MYO3A: variants seen among roughly 807,000 people sequenced by gnomAD.
MYO3A encodes myosin-IIIa.
Under a neutral mutation model 192.7 loss-of-function variants are expected in MYO3A, and 180 were observed. The ratio of observed to expected loss-of-function variants is 0.93; its 90% confidence interval spans 0.83 to 1.06. The LOEUF (loss-of-function observed/expected upper bound fraction) is 1.06, where lower values mean the gene tolerates loss of function less well. Among genes scored for constraint, MYO3A ranks in the 50% least tolerant of loss-of-function variants. The pLI, the probability that MYO3A is intolerant of heterozygous loss-of-function variation, is 0.00. For synonymous variants in MYO3A, 628 were observed against 645.3 expected (o/e 0.97, Z 0.41); for missense variants, 1,896 against 1,905.0 (o/e 1.00, Z 0.09).
chr10:26,074,663 G>A (rs948467084), intron 14 of MYO3A, among the ~76,000 whole-genome samples: 2 of 148,970 alleles, frequency 1.3e-5, no homozygotes, highest in African/African-American at 4.9e-5. Flanking sequence ...TATATCGTTT[G>A]CAAATACTTT....
At chr10:26,120,837 C>A (rs759504500) in intron 18 of MYO3A, 35 bp downstream of exon 18, 195 of 1,610,960 alleles carry the variant, frequency 1.2e-4, no homozygotes, top group Non-Finnish European at 1.5e-4. Context: ...AAACTGAAAT[C>A]TTTCAAATCT....
At chr10:26,094,159 G>A (rs562408259) in intron 15 of MYO3A, among the ~76,000 whole-genome samples, 11 of 152,204 alleles carry the variant, frequency 7.2e-5, no homozygotes, top group South Asian at 2.1e-4. Flanking sequence ...AATTATTAGC[G>A]TGTCTGTCAC....
intron 25 of MYO3A, among the ~76,000 whole-genome samples, chr10:26,156,241 A>C (rs1208753432): frequency 6.6e-6 from 1 of 152,222 alleles, no homozygotes; most frequent in East Asian, 1.9e-4. Flanking sequence ...AGCCATGCAA[A>C]TTCAGAGCTT....
At chr10:26,122,791 A>C (rs564637419) in intron 18 of MYO3A, among the ~76,000 whole-genome samples, 5 of 152,114 alleles carry the variant, frequency 3.3e-5, no homozygotes, top group Non-Finnish European at 5.9e-5. Flanking sequence ...CTGGATAAAG[A>C]TAATCAAGAC....
chr10:26,208,685 C>G lies in MYO3A; in HGVS notation c.4731-3158C>G, dbSNP rs76182704. 1.9e-4 allele frequency among the ~76,000 whole-genome samples: 29 copies of G among 152,286 alleles called. No homozygotes were observed. In the East Asian group the frequency reaches 5.6e-3, roughly 29 times the overall value. On this transcript the variant is annotated intron_variant, in intron 34 of 34. Transcript: ENST00000642920. ...CATCATGATGCTACTTGACCTTCCC[C>G]GTCAAGTATCCACTGAGCTCAGGAT...
intron 34 of MYO3A, among the ~76,000 whole-genome samples, chr10:26,206,307 C>T (rs185748107): frequency 3.3e-5 from 5 of 151,996 alleles, no homozygotes; most frequent in South Asian, 2.1e-4. Flanking sequence ...GTGATCCATC[C>T]GCCTCGGCCT....
intron 17 of MYO3A, among the ~76,000 whole-genome samples, chr10:26,098,493 A>G (rs953224933): frequency 1.3e-5 from 2 of 152,192 alleles, no homozygotes; most frequent in Admixed American, 6.5e-5. Flanking sequence ...GCCCATGCCT[A>G]TGTCCTGAAT....
rs901398124 is a variant in MYO3A at position 26,120,188 on chromosome 10, T to G, written c.1777-488T>G. Among the ~76,000 whole-genome samples the G allele has an allele frequency of 6.6e-5, 10 of 152,098 alleles. No individual in the cohort carries two copies. The South Asian group carries it at 1.0e-3, about 16-fold the overall frequency. On this transcript the variant is annotated intron_variant, in intron 17 of 34. Transcript: ENST00000642920. Reference sequence around the variant, plus strand: ...AAAAAGAAAAAAAAAAATCTTACGCTTACATTTAAACGACACATATCCTTT... The same window carrying G: ...AAAAAGAAAAAAAAAAATCTTACGCGTACATTTAAACGACACATATCCTTT...
chr10:26,013,672 T>G (rs1002005780), intron 6 of MYO3A, among the ~76,000 whole-genome samples: 1 of 152,024 alleles, frequency 6.6e-6, no homozygotes, highest in Non-Finnish European at 1.5e-5. Flanking sequence ...CTGGTGAAAA[T>G]GTAAATTAGT....
chr10:26,088,130 A>G, intron 14 of MYO3A, 73 bp from the exon 15 acceptor site: 1 of 1,227,992 alleles, frequency 8.1e-7, no homozygotes, highest in Non-Finnish European at 1.1e-6. Flanking sequence ...TTGCTTACCA[A>G]AGAAGAGACA....
intron 10 of MYO3A, among the ~76,000 whole-genome samples, chr10:26,050,465 G>A (rs1843923222): frequency 6.6e-6 from 1 of 152,200 alleles, no homozygotes; most frequent in Non-Finnish European, 1.5e-5. Flanking sequence ...ATATGTTAAA[G>A]GGACTGTGCC....
rs1429501554 is a variant in MYO3A, at chr10:26,006,608, C to T, written c.508+9350C>T. Among the ~76,000 whole-genome samples, 8 of 152,200 alleles carry T rather than the reference C, an allele frequency of 5.3e-5. No individual in the cohort carries two copies. The East Asian group carries it at 7.7e-4, about 15-fold the overall frequency. ...TCAGAGAATAGTACAAACACCTCTA[C>T]GCAAATAAACTAGAAAATCTAGAAG... On this transcript the variant is annotated intron_variant, in intron 6 of 34. Coordinates refer to ENST00000642920, the MANE Select transcript of MYO3A (RefSeq NM_017433.5).
At chr10:25,980,098 G>A (rs146191648) in intron 4 of MYO3A, among the ~76,000 whole-genome samples, 9,741 of 152,068 alleles carry the variant, frequency 0.064, 409 homozygotes, top group Non-Finnish European at 0.094. Context: ...TTAGCCAGGC[G>A]TGGTGGCAGG....
At chr10:26,199,753 T>C (rs911496840) in intron 32 of MYO3A, among the ~76,000 whole-genome samples, 2 of 151,998 alleles carry the variant, frequency 1.3e-5, no homozygotes, top group African/African-American at 4.8e-5. Context: ...GGGCAGAACA[T>C]TATTTGATTC....
chr10:26,029,976 A>G lies in MYO3A; in HGVS notation c.953+3444A>G, dbSNP rs550814184. Among the ~76,000 whole-genome samples, 8 of 152,206 alleles carry G rather than the reference A, an allele frequency of 5.3e-5. No homozygotes were observed. The East Asian group carries it at 1.5e-3, about 29-fold the overall frequency. On this transcript the variant is annotated intron_variant, in intron 10 of 34. Transcript: ENST00000642920. ...CAGGGCCCATTGTGATTTGAAGGAA[A>G]TTGCAGATCCAGTTGCTGAGCCAGT... is the stretch of plus-strand genomic sequence containing the variant.
chr10:25,973,540 G>A (rs1473156800), intron 4 of MYO3A, among the ~76,000 whole-genome samples: 1 of 152,104 alleles, frequency 6.6e-6, no homozygotes, highest in Non-Finnish European at 1.5e-5. Context: ...GTGAGAGAGG[G>A]CATCCTCATC....
At chr10:26,024,748 T>A (rs1842464246) in intron 9 of MYO3A, among the ~76,000 whole-genome samples, 1 of 152,212 alleles carries the variant, frequency 6.6e-6, no homozygotes, top group Non-Finnish European at 1.5e-5. Context: ...TCCACACAGA[T>A]CCTCAATGGA....
chr10:26,009,945 T>C (rs1017910474), intron 6 of MYO3A, among the ~76,000 whole-genome samples: 1 of 152,140 alleles, frequency 6.6e-6, no homozygotes, highest in Admixed American at 6.5e-5. Context: ...GTATCAGTGA[T>C]GATAGTGTAC....
chr10:25,999,960 T>C (rs540817444), intron 6 of MYO3A, among the ~76,000 whole-genome samples: 1 of 152,274 alleles, frequency 6.6e-6, no homozygotes, highest in Admixed American at 6.5e-5. Flanking sequence ...CTAGCCCTCA[T>C]CTCTTGCCTG....
Sources: allele counts gnomAD v4.1 joint callset (sites outside exome capture counted in the v4.1 genomes callset), GRCh38; gene constraint gnomAD v4.1.1; transcripts MANE v1.5; gene names NCBI Gene and HGNC (gene_info 2026-07-23, HGNC 2026-07-21).